The following FRMD4B variants were observed in gnomAD, a reference collection of about 807,000 sequenced individuals.
The protein encoded by FRMD4B is FERM domain-containing protein 4B.
Under a neutral mutation model 141.5 loss-of-function variants are expected in FRMD4B, and 74 were observed. That is an observed-to-expected ratio of 0.52 (90% CI 0.43 to 0.63). The LOEUF (loss-of-function observed/expected upper bound fraction) is 0.63. Among genes scored for constraint, FRMD4B ranks in the 30% least tolerant of loss-of-function variants. FRMD4B has a pLI of 0.00. For synonymous variants in FRMD4B, 506 were observed against 467.9 expected (o/e 1.08, Z -1.05); for missense variants, 1,366 against 1,253.4 (o/e 1.09, Z -1.36).
intron 1 of FRMD4B, among the ~76,000 whole-genome samples, chr3:69,438,391 C>A (rs116784055): frequency 1.8e-4 from 27 of 152,188 alleles, no homozygotes; most frequent in African/African-American, 6.3e-4. Context: ...CAGGCATGAG[C>A]CACTGCGTCC....
At chr3:69,409,988 G>T (rs1220351399) in intron 2 of FRMD4B, among the ~76,000 whole-genome samples, 1 of 152,052 alleles carries the variant, frequency 6.6e-6, no homozygotes, top group Non-Finnish European at 1.5e-5. Flanking sequence ...CTGGTCATAT[G>T]GGTTCTTCCA....
intron 1 of FRMD4B, among the ~76,000 whole-genome samples, chr3:69,372,974 T>TA (rs1209834594): frequency 6.6e-6 from 1 of 152,206 alleles, no homozygotes; most frequent in African/African-American, 2.4e-5. Flanking sequence ...AGTGTGGTTC[T>TA]AGTGTCTGTG....
intron 1 of FRMD4B, among the ~76,000 whole-genome samples, chr3:69,512,280 A>G (rs546797690): frequency 6.6e-6 from 1 of 152,178 alleles, no homozygotes; most frequent in African/African-American, 2.4e-5. Context: ...TAATTTATTT[A>G]CTTATTTGGT....
At chr3:69,440,730 C>T (rs1705330026) in intron 1 of FRMD4B, among the ~76,000 whole-genome samples, 2 of 152,174 alleles carry the variant, frequency 1.3e-5, no homozygotes, top group South Asian at 4.1e-4. Flanking sequence ...ATCGCTTGAA[C>T]CTGGGAGGCA....
At chr3:69,502,733 C>T (rs925065210) in intron 1 of FRMD4B, among the ~76,000 whole-genome samples, 6 of 151,992 alleles carry the variant, frequency 3.9e-5, no homozygotes, top group African/African-American at 9.7e-5. Flanking sequence ...AAACTACCAT[C>T]GGAGTGAACA....
At chr3:69,173,335 TA>T (rs1371505326) in intron 22 of FRMD4B, among the ~76,000 whole-genome samples, 3 of 152,194 alleles carry the variant, frequency 2.0e-5, no homozygotes, top group African/African-American at 7.2e-5. Context: ...ATTTTATTGG[TA>T]AAAATTAGTA....
chr3:69,226,537 C>A (rs1373953960), intron 7 of FRMD4B, among the ~76,000 whole-genome samples: 2 of 151,278 alleles, frequency 1.3e-5, no homozygotes, highest in African/African-American at 4.9e-5. Flanking sequence ...AAATTCAGGA[C>A]AACATCGTGT....
intron 2 of FRMD4B, among the ~76,000 whole-genome samples, chr3:69,414,100 A>C (rs1259359434): frequency 6.6e-6 from 1 of 152,176 alleles, no homozygotes; most frequent in Non-Finnish European, 1.5e-5. Context: ...AGGAAACTAG[A>C]AAATATCATA....
chr3:69,345,616 G>A (rs56336456), intron 1 of FRMD4B, among the ~76,000 whole-genome samples: 44,243 of 152,074 alleles, frequency 0.29, 7,593 homozygotes, highest in East Asian at 0.61. Context: ...TCACACAGCC[G>A]GGTAGTCCTC....
At chr3:69,459,428 A>G (rs904545091) in intron 1 of FRMD4B, among the ~76,000 whole-genome samples, 1 of 152,246 alleles carries the variant, frequency 6.6e-6, no homozygotes, top group Non-Finnish European at 1.5e-5. Flanking sequence ...ATTTTTAAGA[A>G]TATATAGATA....
chr3:69,367,657 C>G (rs1180290275), intron 1 of FRMD4B, among the ~76,000 whole-genome samples: 1 of 152,176 alleles, frequency 6.6e-6, no homozygotes. Context: ...CAATTTTCAA[C>G]TCCATTCTCT....
intron 1 of FRMD4B, among the ~76,000 whole-genome samples, chr3:69,480,536 G>A (rs879510131): frequency 1.3e-5 from 2 of 152,156 alleles, no homozygotes; most frequent in Admixed American, 6.5e-5. Flanking sequence ...TTCGTGAACC[G>A]TGAAAGCTGC....
intron 1 of FRMD4B, among the ~76,000 whole-genome samples, chr3:69,315,158 GATAC>G (rs1370595992): frequency 6.6e-6 from 1 of 152,186 alleles, no homozygotes; most frequent in African/African-American, 2.4e-5. Flanking sequence ...AGAACAGTTT[GATAC>G]ATACATTTTC....
intron 9 of FRMD4B, among the ~76,000 whole-genome samples, chr3:69,220,769 G>A (rs1202515657): frequency 1.3e-5 from 2 of 152,066 alleles, no homozygotes; most frequent in African/African-American, 2.4e-5. Flanking sequence ...CACGAAAATC[G>A]CTTGAACCCA....
At chr3:69,323,608 GTATATATA>G (rs55847019) in intron 1 of FRMD4B, among the ~76,000 whole-genome samples, 1,480 of 101,558 alleles carry the variant, frequency 0.015, 34 homozygotes, top group African/African-American at 0.043. Flanking sequence ...CTCTCTCTGT[GTATATATA>G]TATATATATA....
intron 14 of FRMD4B, among the ~76,000 whole-genome samples, chr3:69,195,646 T>C (rs1289533852): frequency 6.6e-6 from 1 of 152,158 alleles, no homozygotes; most frequent in Non-Finnish European, 1.5e-5. Flanking sequence ...AAAAATTTCA[T>C]TTTTCTGAGC....
intron 1 of FRMD4B, among the ~76,000 whole-genome samples, chr3:69,339,736 G>A (rs570717538): frequency 6.6e-6 from 1 of 152,264 alleles, no homozygotes; most frequent in South Asian, 2.1e-4. Context: ...CAGCAAAACA[G>A]ATGAAACATC....
intron 1 of FRMD4B, among the ~76,000 whole-genome samples, chr3:69,383,180 T>C (rs771332374): frequency 4.6e-5 from 7 of 152,238 alleles, no homozygotes; most frequent in Non-Finnish European, 1.0e-4. Flanking sequence ...TTACCCACGG[T>C]CATACATAGG....
At chr3:69,342,554 T>C (rs984338032) in intron 1 of FRMD4B, among the ~76,000 whole-genome samples, 2 of 152,228 alleles carry the variant, frequency 1.3e-5, no homozygotes, top group African/African-American at 2.4e-5. Context: ...ATATTTGGGA[T>C]AGTTGTATAA....
Sources: allele counts gnomAD v4.1 joint callset (sites outside exome capture counted in the v4.1 genomes callset), GRCh38; gene constraint gnomAD v4.1.1; transcripts MANE v1.5; gene names NCBI Gene and HGNC (gene_info 2026-07-23, HGNC 2026-07-21).